The following RBMX variants were observed in gnomAD, a reference collection of about 807,000 sequenced individuals.
RBMX encodes RNA binding motif protein X-linked, also known as RNA-binding motif protein, X chromosome.
RBMX carries 1 observed loss-of-function variant against 29.3 expected under a neutral mutation model. The ratio of observed to expected loss-of-function variants is 0.03; its 90% CI spans 0.01 to 0.16. The LOEUF is 0.16. Among genes scored for constraint, RBMX ranks in the 10% least tolerant of loss-of-function variants. The probability of loss-of-function intolerance (pLI) is 1.00; values close to 1 mark genes in which losing one functional copy is unlikely to be tolerated. For synonymous variants in RBMX, 102 were observed against 102.3 expected, an observed-to-expected ratio of 1.00 and a Z score of 0.02; for missense variants, 121 against 333.2, an observed-to-expected ratio of 0.36 and a Z score of 4.96.
chrX:136,875,366 T>A lies in RBMX; in HGVS notation c.674A>T (p.Tyr225Phe). Residue 225 changes from tyrosine to phenylalanine, a missense_variant, in exon 7 of 9, where the codon TAC becomes TTC. Coordinates refer to ENST00000320676, the MANE Select transcript of RBMX (RefSeq NM_002139.4). Reference protein sequence around the residue: ...STKDSYSSRDYPSSRDTRDYA... With the variant: ...STKDSYSSRDFPSSRDTRDYA... The stretch of plus-strand genomic sequence containing the variant: ...ATCTCTAGTATCACGAGAACTTGGG[T>A]AATCTCTGCTTGAATAGCTACAAAG... 8.3e-7 allele frequency: 1 copy of A among 1,210,560 alleles called. No homozygotes were observed. Among genetic ancestry groups the A allele is most frequent in the Non-Finnish European group, 1.1e-6 (1 of 894,823 alleles).
At chrX:136,874,616 G>T in intron 8 of RBMX, 164 bp from the exon 9 acceptor site, 1 of 581,495 alleles carries the variant, frequency 1.7e-6, no homozygotes. Context: ...TTGCTCATCT[G>T]CTGAGATATG....
intron 1 of RBMX, among the ~76,000 whole-genome samples, chrX:136,880,252 A>AAGCCCGC (rs2077784838): frequency 9.0e-6 from 1 of 111,719 alleles, no homozygotes; most frequent in African/African-American, 3.3e-5. Flanking sequence ...AATGAATACG[A>AAGCCCGC]AGCCCGCAGC....
At chrX:136,876,704 A>G in intron 4 of RBMX, 49 bp from the exon 5 acceptor site, 4 of 1,052,458 alleles carry the variant, frequency 3.8e-6, no homozygotes, top group Non-Finnish European at 5.0e-6. Flanking sequence ...AAGAATCAAG[A>G]AAGATATAAA....
At position 136,875,568 on chromosome X, in the gene RBMX, T is replaced by C. The variant is rs1163156727; in HGVS notation, c.559A>G (p.Arg187Gly). 8.3e-7 allele frequency: 1 copy of C among 1,209,603 alleles called. No individual in the cohort carries two copies. The highest frequency in any genetic ancestry group is 1.1e-6 in the Non-Finnish European group (1 of 895,069). The part of the protein sequence containing the change: ...MGGRAPVSRG[R>G]DSYGGPPRRE... ...CGAGGTGGACCTCCATAACTATCTC[T>C]TCCACGTGATACAGGAGCTTAAGGA... The change falls in exon 6 of 9, where the codon AGA (arginine) becomes GGA (glycine). Residue 187 changes from arginine (R) to glycine (G), a missense_variant. Arg to Gly is a moderately radical substitution (Grantham distance 125). Around this residue, in one of 2 missense-constraint regions of RBMX, gnomAD observed 114 missense variants for 260.0 expected, o/e 0.44. Coordinates refer to ENST00000320676, the MANE Select transcript of RBMX (RefSeq NM_002139.4).
At chrX:136,877,608 GC>G (rs2077747780) in intron 4 of RBMX, among the ~76,000 whole-genome samples, 1 of 108,721 alleles carries the variant, frequency 9.2e-6, no homozygotes, top group Non-Finnish European at 1.9e-5. Context: ...CTGCCACCAC[GC>G]CCAGCTAACT....
At chrX:136,871,203 T>G (rs1466243571), downstream of RBMX, among the ~76,000 whole-genome samples, 1 of 108,488 alleles carries the variant, frequency 9.2e-6, no homozygotes, top group Non-Finnish European at 1.9e-5. Context: ...TCCCAGCACT[T>G]TGGGAGGCGA....
downstream of RBMX, chrX:136,872,632 A>G (rs1322132760): frequency 1.6e-5 from 5 of 303,736 alleles, no homozygotes; most frequent in East Asian, 1.2e-4. Flanking sequence ...ATTTGAAGGA[A>G]TAAGTGCAGT....
At position 136,877,907 on chromosome X, in the gene RBMX, G is replaced by C. The variant is rs2077750999; in HGVS notation, c.388+8C>G. ...TACACCAAACCCGAGGTCCACGCAA[G>C]TTATTACCCATGTGTCCTCCCCGTG... On this transcript the variant is annotated splice_region_variant and intron_variant, in intron 4 of 8. Coordinates refer to ENST00000320676, the MANE Select transcript of RBMX (RefSeq NM_002139.4). 4 of 1,168,847 alleles carry C rather than the reference G, an allele frequency of 3.4e-6. No homozygotes were observed. The East Asian group carries it at 1.2e-4, about 35-fold the overall frequency.
chrX:136,874,481 C>G, intron 8 of RBMX, 29 bp from the exon 9 acceptor site: 1 of 1,194,156 alleles, frequency 8.4e-7, no homozygotes. Context: ...GGTAATATGG[C>G]AACACTATAA....
chrX:136,878,132 T>C (rs2077754087), intron 3 of RBMX, 46 bp from the exon 4 acceptor site: 1 of 1,059,428 alleles, frequency 9.4e-7, no homozygotes, highest in Non-Finnish European at 1.3e-6. Flanking sequence ...TTAAAAATAA[T>C]TTGCACATCT....
chrX:136,870,842 C>CA (rs1156659957), downstream of RBMX, among the ~76,000 whole-genome samples: 3 of 108,053 alleles, frequency 2.8e-5, no homozygotes, highest in African/African-American at 1.0e-4. Flanking sequence ...TGCAGTGGCT[C>CA]ACGTCTATAA....
downstream of RBMX, among the ~76,000 whole-genome samples, chrX:136,872,009 A>G (rs1032167533): frequency 2.7e-5 from 3 of 111,099 alleles, no homozygotes; most frequent in East Asian, 2.8e-4. Flanking sequence ...ATGAAGAGCT[A>G]TAAGCAAGCT....
At position 136,878,927 on chromosome X, in the gene RBMX, C is replaced by T. The variant is rs1285795329; in HGVS notation, c.216+90G>A. On this transcript the variant is annotated intron_variant, in intron 3 of 8. Coordinates refer to ENST00000320676, the MANE Select transcript of RBMX (RefSeq NM_002139.4). ...GGTATATACTGAAAAACAACGAAAA[C>T]TCAAAAGCTGTCCTAGACCAGACTT... The T allele has an allele frequency of 5.3e-6, 6 of 1,123,655 alleles. No individual in the cohort carries two copies. The East Asian group carries it at 1.8e-4, about 34-fold the overall frequency. The allele number at this position is 1,123,655 out of a possible 1,213,427, so 92.6% of individuals were successfully genotyped here. A position where few individuals can be genotyped will look rare whatever the true frequency, so the allele number is the denominator to read the frequency against.
In RBMX at chrX:136,874,252, C is replaced by A. The variant is rs35085326; in HGVS notation, c.1066G>T (p.Gly356Trp). Residue 356 changes from glycine to tryptophan, a missense_variant, in exon 9 of 9, where the codon GGG becomes TGG. Transcript: ENST00000320676. ...TAGGAATCACGTGGAGGAGGGTACC[C>A]CCTTTCCATAGAAGGGGGAAGCCCT... ...ERGLPPSMER[G>W]YPPPRDSYSS... The A allele has an allele frequency of 0.018, 18,070 of 1,008,904 alleles. No homozygotes were observed. The highest frequency in any genetic ancestry group is 0.027 in the Middle Eastern group (98 of 3,658). 83.1% of individuals were successfully genotyped at this position (1,008,904 alleles called of 1,213,427 possible).
chrX:136,869,339 G>A (rs1345224503), downstream of RBMX: 2 of 112,307 alleles, frequency 1.8e-5, no homozygotes, highest in African/African-American at 6.5e-5. Context: ...TATAAACCCA[G>A]AAGAATCAAG....
At chrX:136,878,731 C>A (rs1468991630) in intron 3 of RBMX, among the ~76,000 whole-genome samples, 9 of 62,983 alleles carry the variant, frequency 1.4e-4, no homozygotes, top group African/African-American at 5.9e-4. Flanking sequence ...GGCTAGGCAA[C>A]GGAGGGAGAC....
rs749538980 is a variant in RBMX at position 136,874,410 on chromosome X, G to C, written c.908C>G (p.Ser303Cys). The C allele has an allele frequency of 8.3e-7, 1 of 1,212,035 alleles. No homozygotes were observed. Among genetic ancestry groups the C allele is most frequent in the Non-Finnish European group, 1.1e-6 (1 of 895,606 alleles). ...ATCATAGCGACTGCTTCCACCATAA[G>C]ATGGCGGGGGCCCTCGTGTAGGTGG... ...SAPPTRGPPP[S>C]YGGSSRYDDY... The change falls in exon 9 of 9, where the codon TCT becomes TGT. Residue 303 changes from serine (S) to cysteine (C), a missense_variant. This residue lies in a region of RBMX where 114 missense variants were observed against 260.0 expected (regional missense o/e 0.44). Coordinates refer to ENST00000320676, the MANE Select transcript of RBMX (RefSeq NM_002139.4).
chrX:136,875,742 T>G (rs1435192264), intron 5 of RBMX, among the ~76,000 whole-genome samples, 157 bp from the exon 6 acceptor site: 1 of 112,043 alleles, frequency 8.9e-6, no homozygotes, highest in Non-Finnish European at 1.9e-5. Flanking sequence ...CCATTCATAT[T>G]TTAAATTTTT....
chrX:136,877,865 T>C (rs765454432), intron 4 of RBMX, 50 bp downstream of exon 4: 7 of 1,084,192 alleles, frequency 6.5e-6, no homozygotes, highest in South Asian at 5.5e-5. Context: ...TGGTGTGAGC[T>C]TGCAGTCCCT....
Sources: gnomAD v4.1 joint callset for allele counts (sites outside exome capture counted in the v4.1 genomes callset) on GRCh38, gnomAD v4.1.1 for gene constraint, gnomAD v4.1.1 regional missense constraint, MANE v1.5 for transcripts, NCBI Gene and HGNC (gene_info 2026-07-23, HGNC 2026-07-21) for gene names.